The following HIVEP3 variants were observed in gnomAD, a reference collection of about 807,000 sequenced individuals.
HIVEP3 encodes transcription factor HIVEP3.
A neutral mutation model predicts 152.8 loss-of-function variants in HIVEP3; 49 were observed. The ratio of observed to expected loss-of-function variants is 0.32; its 90% CI spans 0.26 to 0.41. HIVEP3 has a LOEUF of 0.41. HIVEP3 is among the 10% of genes least tolerant of loss of function. HIVEP3 has a pLI of 1.00. For missense variants in HIVEP3, 2,790 were observed against 3,103.3 expected (o/e 0.90, Z 2.40); for synonymous variants, 1,269 against 1,289.0 (o/e 0.98, Z 0.33).
chr1:41,589,632 G>C (rs1277306303), intron 3 of HIVEP3, among the ~76,000 whole-genome samples: 1 of 152,248 alleles, frequency 6.6e-6, no homozygotes, highest in African/African-American at 2.4e-5. Context: ...AATTCCACCA[G>C]TCCTGGCAGG....
intron 1 of HIVEP3, among the ~76,000 whole-genome samples, chr1:41,974,870 A>G (rs954376626): frequency 3.3e-5 from 5 of 152,172 alleles, no homozygotes; most frequent in African/African-American, 1.2e-4. Context: ...TATTGAGAGT[A>G]GCAGATGCTC....
At position 41,940,274 on chromosome 1, in the gene HIVEP3, A is replaced by T. The variant is rs1251980264; in HGVS notation, n.120-21750T>A. On this transcript the variant is annotated intron_variant and non_coding_transcript_variant, in intron 1 of 3. Coordinates refer to the HIVEP3 transcript ENST00000489103. ...ATTCCTAAATGATGAGTGAGTCATT[A>T]AGTTATTTGTCATATCAGAAATCTA... 2.0e-5 allele frequency among the ~76,000 whole-genome samples: 3 copies of T among 152,204 alleles called. No individual in the cohort carries two copies. The East Asian group carries it at 5.8e-4, about 29-fold the overall frequency.
intron 1 of HIVEP3, among the ~76,000 whole-genome samples, chr1:41,886,165 T>C (rs992812751): frequency 1.3e-5 from 2 of 152,226 alleles, no homozygotes; most frequent in Non-Finnish European, 2.9e-5. Flanking sequence ...CATGTTCATA[T>C]TGAATGGTGT....
At chr1:41,828,192 G>A (rs1303668851) in intron 1 of HIVEP3, among the ~76,000 whole-genome samples, 1 of 152,150 alleles carries the variant, frequency 6.6e-6, no homozygotes, top group Non-Finnish European at 1.5e-5. Flanking sequence ...AGAGTTTAGA[G>A]GGTCCTTGCA....
At chr1:41,725,607 A>T (rs1347205943) in intron 1 of HIVEP3, among the ~76,000 whole-genome samples, 1 of 152,228 alleles carries the variant, frequency 6.6e-6, no homozygotes, top group Non-Finnish European at 1.5e-5. Flanking sequence ...CTGATAAAGC[A>T]AACAGGTTCA....
In HIVEP3 at chr1:41,583,611, C is replaced by A; in HGVS notation, c.1187G>T (p.Arg396Leu). 6.2e-7 allele frequency: 1 copy of A among 1,614,122 alleles called. No individual in the cohort carries two copies. ...GACCTGCTGCTCTGCACTCTCGGAG[C>A]GAGAGAAATACCCAGACTCAGTACT... ...KGSTESGYFS[R>L]SESAEQQVSP... The change falls in exon 4 of 9, where the codon CGC becomes CTC. Residue 396 changes from arginine to leucine, a missense_variant. Arg to Leu is a moderately radical substitution (Grantham distance 102, BLOSUM62 -2). This residue lies in a region of HIVEP3 where 134 missense variants were observed against 242.5 expected (regional missense o/e 0.55). Transcript: ENST00000372583. The surrounding 1 kb of genome is among the most constrained non-coding windows in gnomAD (Gnocchi z 6.9).
intron 1 of HIVEP3, among the ~76,000 whole-genome samples, chr1:41,739,982 G>C (rs761061632): frequency 2.0e-5 from 3 of 152,176 alleles, no homozygotes; most frequent in Non-Finnish European, 4.4e-5. Context: ...CCACAACCAC[G>C]GCATAACCAG....
chr1:41,628,163 C>T (rs1360538386), intron 3 of HIVEP3, among the ~76,000 whole-genome samples: 1 of 152,226 alleles, frequency 6.6e-6, no homozygotes, highest in African/African-American at 2.4e-5. Flanking sequence ...AGCTGGGGCC[C>T]TGCTATTGAA....
intron 1 of HIVEP3, among the ~76,000 whole-genome samples, chr1:41,830,505 G>A (rs564192007): frequency 4.6e-5 from 7 of 152,300 alleles, no homozygotes; most frequent in African/African-American, 1.7e-4. Context: ...GTTGTCTGCT[G>A]ACAGCTCACA....
At chr1:41,722,313 G>A (rs930919672) in intron 1 of HIVEP3, among the ~76,000 whole-genome samples, 1 of 152,220 alleles carries the variant, frequency 6.6e-6, no homozygotes, top group African/African-American at 2.4e-5. Flanking sequence ...GCTCGTGCTT[G>A]TGAAATACTT....
chr1:41,687,973 G>GATGA lies in HIVEP3; in HGVS notation c.-721+12939_-721+12942dup, dbSNP rs376004468. Among the ~76,000 whole-genome samples, 765 of 152,320 alleles carry GATGA rather than the reference G, an allele frequency of 5.0e-3. 7 individuals are homozygous for GATGA. The highest frequency in any genetic ancestry group is 0.018 in the African/African-American group (729 of 41,572). The stretch of plus-strand genomic sequence containing the variant: ...CAACAATTTCCCAGCCACAGCTCCA[G>GATGA]ATGAATGAATGAATGAATGAACAAA... On this transcript the variant is annotated intron_variant, in intron 2 of 8. Transcript: ENST00000372583.
intron 1 of HIVEP3, among the ~76,000 whole-genome samples, chr1:41,762,288 C>A (rs192020385): frequency 6.6e-6 from 1 of 152,230 alleles, no homozygotes; most frequent in Admixed American, 6.5e-5. Context: ...CACCCTTCAA[C>A]TGTCAGTGTA....
intron 5 of HIVEP3, among the ~76,000 whole-genome samples, chr1:41,566,635 A>T (rs755050709): frequency 2.6e-5 from 4 of 152,144 alleles, no homozygotes; most frequent in Non-Finnish European, 4.4e-5. Context: ...TCAGGGTTCC[A>T]TCACTATGGA....
chr1:41,645,991 C>T (rs566826428), intron 2 of HIVEP3, among the ~76,000 whole-genome samples: 2 of 152,274 alleles, frequency 1.3e-5, no homozygotes, highest in Non-Finnish European at 2.9e-5. Context: ...GCACCTTGCT[C>T]ACCTCACCCA....
At chr1:41,526,667 A>G (rs1569734947) in intron 5 of HIVEP3, among the ~76,000 whole-genome samples, 1 of 6,920 alleles carries the variant, frequency 1.4e-4, no homozygotes, top group South Asian at 4.5e-3. Context: ...ACTCCCCCTC[A>G]TACCTGCTCG....
chr1:41,698,114 A>G (rs1646305047), intron 2 of HIVEP3, among the ~76,000 whole-genome samples: 1 of 152,182 alleles, frequency 6.6e-6, no homozygotes, highest in African/African-American at 2.4e-5. Context: ...GGCATGTAGT[A>G]AGTGCTCAAT....
intron 5 of HIVEP3, among the ~76,000 whole-genome samples, chr1:41,563,325 C>T (rs908125260): frequency 4.0e-5 from 6 of 150,630 alleles, no homozygotes; most frequent in African/African-American, 1.2e-4. Context: ...CCAGCCTGGG[C>T]GATAGAGAGA....
chr1:41,545,058 A>G (rs1366261939), intron 5 of HIVEP3, among the ~76,000 whole-genome samples: 12 of 123,190 alleles, frequency 9.7e-5, no homozygotes, highest in Non-Finnish European at 1.1e-4. Flanking sequence ...CACCACCATC[A>G]CTACCACCAC....
At position 41,647,776 on chromosome 1, in the gene HIVEP3, A is replaced by G. The variant is rs186160252; in HGVS notation, c.-720-18829T>C. Among the ~76,000 whole-genome samples, 65 of 152,350 alleles carry G rather than the reference A, an allele frequency of 4.3e-4. 1 individual carries two copies. Among genetic ancestry groups the G allele is most frequent in the East Asian group, 1.9e-4 (1 of 5,182 alleles). On this transcript the variant is annotated intron_variant, in intron 2 of 8. Coordinates refer to ENST00000372583, the MANE Select transcript of HIVEP3 (RefSeq NM_024503.5). Reference sequence around the variant, plus strand: ...AGCCACAAGTCCCTACAAAGTCCCAATCGCTCCTTCTTGGATCTCTTGCCA... The same window carrying G: ...AGCCACAAGTCCCTACAAAGTCCCAGTCGCTCCTTCTTGGATCTCTTGCCA...
Sources: gnomAD v4.1 joint callset for allele counts (sites outside exome capture counted in the v4.1 genomes callset) on GRCh38, gnomAD v4.1.1 for gene constraint, gnomAD v4.1.1 regional missense constraint, Gnocchi (gnomAD v3.1) non-coding constraint, MANE v1.5 for transcripts, NCBI Gene and HGNC (gene_info 2026-07-23, HGNC 2026-07-21) for gene names.